Variants in PCDH9 observed in about 807,000 individuals in gnomAD.
PCDH9 encodes the protein protocadherin-9.
PCDH9 carries 24 observed loss-of-function variants against 70.6 expected under a neutral mutation model. The observed-to-expected ratio is 0.34, with a 90% CI of 0.25 to 0.48. The LOEUF is 0.48. PCDH9 is among the 20% of genes least tolerant of loss of function. The pLI is 0.99. For synonymous variants in PCDH9, 562 were observed against 558.5 expected, an observed-to-expected ratio of 1.01 and a Z score of -0.09; for missense variants, 1,281 against 1,503.6, an observed-to-expected ratio of 0.85 and a Z score of 2.45.
At chr13:66,496,282 A>G (rs1280593765) in intron 4 of PCDH9, among the ~76,000 whole-genome samples, 2 of 152,182 alleles carry the variant, frequency 1.3e-5, no homozygotes, top group Non-Finnish European at 2.9e-5. Flanking sequence ...TTTGTCCACT[A>G]TATCGAAACT....
intron 3 of PCDH9, among the ~76,000 whole-genome samples, chr13:66,714,540 C>T (rs761476172): frequency 1.3e-4 from 19 of 151,152 alleles, no homozygotes; most frequent in Non-Finnish European, 2.5e-4. Flanking sequence ...AAATAAGTAA[C>T]GGTTATGAAA....
At chr13:66,836,581 T>G (rs1474397424) in intron 3 of PCDH9, among the ~76,000 whole-genome samples, 1 of 152,166 alleles carries the variant, frequency 6.6e-6, no homozygotes, top group East Asian at 1.9e-4. Context: ...AGCACTCATT[T>G]CACTAAGCAG....
chr13:66,864,357 C>G (rs1010492555), intron 3 of PCDH9, among the ~76,000 whole-genome samples: 1 of 152,038 alleles, frequency 6.6e-6, no homozygotes, highest in Admixed American at 6.6e-5. Context: ...ACCTCCCTCT[C>G]CTCAAAAAGG....
intron 2 of PCDH9, among the ~76,000 whole-genome samples, chr13:67,064,184 A>ACAGGAG (rs918301434): frequency 6.6e-6 from 1 of 152,184 alleles, no homozygotes; most frequent in African/African-American, 2.4e-5. Flanking sequence ...CTGGAAAATT[A>ACAGGAG]CAGGAGATTG....
At chr13:67,029,958 AT>A (rs942176401) in intron 2 of PCDH9, among the ~76,000 whole-genome samples, 16 of 152,294 alleles carry the variant, frequency 1.1e-4, no homozygotes, top group African/African-American at 3.8e-4. Flanking sequence ...TTATTGCAAT[AT>A]TTGAGCCAGT....
intron 4 of PCDH9, among the ~76,000 whole-genome samples, chr13:66,364,747 C>T (rs2138201537): frequency 6.6e-6 from 1 of 152,248 alleles, no homozygotes; most frequent in Admixed American, 6.5e-5. Context: ...TTGGAGAGAA[C>T]AAATAGCTAG....
intron 2 of PCDH9, among the ~76,000 whole-genome samples, chr13:66,934,914 G>A (rs907294450): frequency 2.0e-5 from 3 of 149,712 alleles, no homozygotes; most frequent in Non-Finnish European, 3.0e-5. Context: ...TAGAGACGGG[G>A]TTTCACCGTG....
chr13:66,728,123 G>A (rs2079029226), intron 3 of PCDH9, among the ~76,000 whole-genome samples: 1 of 152,068 alleles, frequency 6.6e-6, no homozygotes, highest in Non-Finnish European at 1.5e-5. Context: ...GATATTTAAT[G>A]ATATTTGCCA....
intron 4 of PCDH9, among the ~76,000 whole-genome samples, chr13:66,458,346 C>G (rs1470172628): frequency 1.3e-5 from 2 of 151,924 alleles, no homozygotes; most frequent in Non-Finnish European, 2.9e-5. Flanking sequence ...AACCAACAAT[C>G]TATTTTCAAA....
intron 2 of PCDH9, among the ~76,000 whole-genome samples, chr13:66,958,560 T>C (rs1215416663): frequency 6.6e-6 from 1 of 152,220 alleles, no homozygotes; most frequent in African/African-American, 2.4e-5. Context: ...GAAGGGCTGA[T>C]ATTTTTTTCA....
At chr13:66,554,678 C>T (rs1961645513) in intron 4 of PCDH9, among the ~76,000 whole-genome samples, 1 of 151,992 alleles carries the variant, frequency 6.6e-6, no homozygotes, top group African/African-American at 2.4e-5. Flanking sequence ...GGATGTCATT[C>T]TTAGCCAATA....
intron 3 of PCDH9, among the ~76,000 whole-genome samples, chr13:66,724,608 AG>A (rs1168137391): frequency 6.6e-6 from 1 of 152,180 alleles, no homozygotes; most frequent in Non-Finnish European, 1.5e-5. Flanking sequence ...TCTTCCATAA[AG>A]GTCAGGACTT....
intron 2 of PCDH9, among the ~76,000 whole-genome samples, chr13:67,190,539 C>A (rs897026927): frequency 6.6e-6 from 1 of 151,832 alleles, no homozygotes; most frequent in Non-Finnish European, 1.5e-5. Context: ...GATAAACTAG[C>A]AAATTGAAGA....
At chr13:66,398,283 A>G (rs1045958774) in intron 4 of PCDH9, among the ~76,000 whole-genome samples, 1 of 152,092 alleles carries the variant, frequency 6.6e-6, no homozygotes, top group Non-Finnish European at 1.5e-5. Context: ...TTTTGGGTTG[A>G]CATTTCTTGA....
At chr13:66,822,229 G>A (rs920547621) in intron 3 of PCDH9, among the ~76,000 whole-genome samples, 1 of 151,742 alleles carries the variant, frequency 6.6e-6, no homozygotes, top group African/African-American at 2.4e-5. Flanking sequence ...ATTGTTTCAT[G>A]TATTTATTTG....
chr13:66,672,486 T>A (rs553211823), intron 3 of PCDH9, among the ~76,000 whole-genome samples: 2 of 152,078 alleles, frequency 1.3e-5, no homozygotes, highest in East Asian at 3.9e-4. Context: ...AGGAGGGAAA[T>A]GAGGGGTGGG....
At chr13:66,815,402 C>T (rs1216718866) in intron 3 of PCDH9, among the ~76,000 whole-genome samples, 1 of 152,102 alleles carries the variant, frequency 6.6e-6, no homozygotes, top group East Asian at 1.9e-4. Context: ...ATTATTCAAC[C>T]CAACAATCCC....
chr13:66,499,504 T>A (rs947700594), intron 4 of PCDH9, among the ~76,000 whole-genome samples: 1 of 152,174 alleles, frequency 6.6e-6, no homozygotes, highest in South Asian at 2.1e-4. Context: ...ATGCTCAAGA[T>A]GGTGGTGATG....
chr13:67,207,835 G>A (rs542202135), intron 2 of PCDH9: 2 of 152,106 alleles, frequency 1.3e-5, no homozygotes, highest in Non-Finnish European at 2.9e-5. Flanking sequence ...TGAGATTAAT[G>A]AATTGATTAC....
Sources: gnomAD v4.1 joint callset for allele counts (sites outside exome capture counted in the v4.1 genomes callset) on GRCh38, gnomAD v4.1.1 for gene constraint, MANE v1.5 for transcripts, NCBI Gene and HGNC (gene_info 2026-07-23, HGNC 2026-07-21) for gene names.